Variants in KCNH1 observed in about 807,000 individuals in gnomAD.
The protein encoded by KCNH1 is voltage-gated delayed rectifier potassium channel KCNH1.
KCNH1 carries 27 observed loss-of-function variants against 69.2 expected under a neutral mutation model. That is an observed-to-expected ratio of 0.39 (90% CI 0.29 to 0.54). The LOEUF is 0.54. Ranked by LOEUF, KCNH1 falls within the 20% of genes least tolerant of loss-of-function variation. The probability of loss-of-function intolerance (pLI) is 0.68; values close to 1 mark genes in which losing one functional copy is unlikely to be tolerated. For missense variants in KCNH1, 798 were observed against 1,261.6 expected (o/e 0.63, Z 5.57); for synonymous variants, 456 against 487.7 (o/e 0.93, Z 0.86).
intron 7 of KCNH1, among the ~76,000 whole-genome samples, chr1:210,869,422 T>C (rs1039402060): frequency 4.6e-5 from 7 of 152,020 alleles, no homozygotes; most frequent in Admixed American, 4.6e-4. Context: ...TGTTTGTTAA[T>C]TCTATTTTCT....
chr1:211,037,492 CTTT>C (rs59386390), intron 5 of KCNH1, among the ~76,000 whole-genome samples: 126 of 115,356 alleles, frequency 1.1e-3, no homozygotes, highest in Middle Eastern at 4.4e-3. Flanking sequence ...TAATTCAGTG[CTTT>C]TTTTTTTTTT....
intron 7 of KCNH1, among the ~76,000 whole-genome samples, chr1:210,899,659 T>C (rs1347692039): frequency 6.6e-6 from 1 of 152,214 alleles, no homozygotes; most frequent in Non-Finnish European, 1.5e-5. Context: ...TGTATTTGTG[T>C]TTAACTTCCA....
intron 6 of KCNH1, among the ~76,000 whole-genome samples, chr1:210,999,227 T>A (rs1689118319): frequency 1.3e-5 from 2 of 152,156 alleles, no homozygotes; most frequent in African/African-American, 2.4e-5. Flanking sequence ...ATCCAGGGGC[T>A]GGTTTTTTGA....
rs189285493 is a variant in KCNH1, at chr1:210,785,206, A to G, written c.1916-9662T>C. Among the ~76,000 whole-genome samples the G allele has an allele frequency of 2.3e-3, 350 of 152,320 alleles. 2 individuals are homozygous for G. The highest frequency in any genetic ancestry group is 1.8e-3 in the Non-Finnish European group (125 of 68,028). On this transcript the variant is annotated intron_variant, in intron 9 of 10. Coordinates refer to ENST00000271751, the MANE Select transcript of KCNH1 (RefSeq NM_172362.3). ...TTGAGATTTCATAGAGAAGATGAGA[A>G]TGGAGCTGGCCTTTATATGGTGAGG...
chr1:210,688,367 C>T (rs1022426586), intron 10 of KCNH1, among the ~76,000 whole-genome samples: 4 of 152,144 alleles, frequency 2.6e-5, no homozygotes, highest in Non-Finnish European at 4.4e-5. Flanking sequence ...TTGAGGACTC[C>T]ATTGCAGATG....
intron 9 of KCNH1, among the ~76,000 whole-genome samples, chr1:210,788,930 T>C (rs1684162178): frequency 6.6e-6 from 1 of 151,756 alleles, no homozygotes; most frequent in South Asian, 2.1e-4. Context: ...TCTCCTGACC[T>C]CGTGATCCGC....
intron 5 of KCNH1, among the ~76,000 whole-genome samples, chr1:211,057,131 AAC>A (rs1338621427): frequency 1.3e-5 from 2 of 152,224 alleles, no homozygotes; most frequent in Non-Finnish European, 2.9e-5. Flanking sequence ...AATTCAAGAT[AAC>A]ATAGAGAAAG....
intron 7 of KCNH1, among the ~76,000 whole-genome samples, chr1:210,854,093 CTATGT>C (rs1447338407): frequency 6.6e-6 from 1 of 151,754 alleles, no homozygotes; most frequent in Non-Finnish European, 1.5e-5. Flanking sequence ...ATTTATAATG[CTATGT>C]TAAGTAGGAA....
intron 10 of KCNH1, among the ~76,000 whole-genome samples, chr1:210,731,629 C>A (rs1226513906): frequency 1.3e-5 from 2 of 152,088 alleles, no homozygotes; most frequent in Non-Finnish European, 2.9e-5. Flanking sequence ...TGCCACAAGC[C>A]CTTTGAAAAA....
intron 10 of KCNH1, among the ~76,000 whole-genome samples, chr1:210,726,696 C>G (rs1188503993): frequency 2.0e-5 from 3 of 152,144 alleles, no homozygotes; most frequent in Non-Finnish European, 4.4e-5. Flanking sequence ...TTAATAAAAC[C>G]TTTTTATTAA....
intron 5 of KCNH1, among the ~76,000 whole-genome samples, chr1:211,053,995 C>T (rs901994200): frequency 6.6e-6 from 1 of 151,984 alleles, no homozygotes; most frequent in Admixed American, 6.6e-5. Flanking sequence ...TTTGGCTGGG[C>T]ATGGTGGCTC....
chr1:211,072,094 G>A (rs1690655437), intron 5 of KCNH1, among the ~76,000 whole-genome samples: 1 of 152,056 alleles, frequency 6.6e-6, no homozygotes, highest in Non-Finnish European at 1.5e-5. Flanking sequence ...TGGCCAGCAT[G>A]GTGAAACCCC....
intron 5 of KCNH1, among the ~76,000 whole-genome samples, chr1:211,059,533 G>A (rs1690382673): frequency 6.6e-6 from 1 of 152,052 alleles, no homozygotes; most frequent in Admixed American, 6.5e-5. Context: ...ATGAGGTCAG[G>A]AGATCGAGAC....
chr1:210,819,683 T>A (rs1029136795), intron 7 of KCNH1, among the ~76,000 whole-genome samples: 1 of 152,152 alleles, frequency 6.6e-6, no homozygotes, highest in African/African-American at 2.4e-5. Flanking sequence ...TCAAAAAAAA[T>A]AACCATTAGA....
chr1:210,927,343 T>A (rs1687593885), intron 6 of KCNH1, among the ~76,000 whole-genome samples: 1 of 152,154 alleles, frequency 6.6e-6, no homozygotes, highest in African/African-American at 2.4e-5. Context: ...GGAAAATCTA[T>A]CAGATTAACA....
Position 210,958,115 on chromosome 1 carries a change from C to A in KCNH1, c.1033-38046G>T, listed in dbSNP as rs1688216072. 2.6e-5 allele frequency among the ~76,000 whole-genome samples: 4 copies of A among 152,146 alleles called. No individual in the cohort carries two copies. The South Asian group carries it at 8.3e-4, about 32-fold the overall frequency. On this transcript the variant is annotated intron_variant, in intron 6 of 10. Coordinates refer to ENST00000271751, the MANE Select transcript of KCNH1 (RefSeq NM_172362.3). ...TCTTGTAAGGCAGGCCTGGTGGTGA[C>A]AAAATCTCTCAGCATTTGCTTGTCT...
intron 7 of KCNH1, among the ~76,000 whole-genome samples, chr1:210,886,817 T>C (rs1229161420): frequency 6.6e-6 from 1 of 151,904 alleles, no homozygotes; most frequent in African/African-American, 2.4e-5. Flanking sequence ...ATCAACTTAA[T>C]GAAATAAAGT....
chr1:210,684,150 G>C lies in KCNH1; in HGVS notation c.2113-12C>G. Reference sequence around the variant, plus strand: ...TTCCGGAACACAATCTGGAGAGAGAGAGAGAGAGAATGACATGGCGTGTTA... The same window carrying C: ...TTCCGGAACACAATCTGGAGAGAGACAGAGAGAGAATGACATGGCGTGTTA... On this transcript the variant is annotated splice_polypyrimidine_tract_variant and intron_variant, in intron 10 of 10. Transcript: ENST00000271751. The C allele has an allele frequency of 6.7e-7, 1 of 1,501,552 alleles. No homozygotes were observed. The highest frequency in any genetic ancestry group is 2.3e-5 in the East Asian group (1 of 43,642). The allele number at this position is 1,501,552 out of a possible 1,614,324, so 93.0% of individuals were successfully genotyped here.
intron 1 of KCNH1, among the ~76,000 whole-genome samples, chr1:211,113,150 A>C (rs999540164): frequency 3.3e-5 from 5 of 152,192 alleles, no homozygotes; most frequent in Non-Finnish European, 7.3e-5. Flanking sequence ...AGGAAGTCTC[A>C]GGGATTTCAT....
Sources: allele counts gnomAD v4.1 joint callset (sites outside exome capture counted in the v4.1 genomes callset), GRCh38; gene constraint gnomAD v4.1.1; transcripts MANE v1.5; gene names NCBI Gene and HGNC (gene_info 2026-07-23, HGNC 2026-07-21).